RXRA: variants seen among roughly 807,000 people sequenced by gnomAD.
RXRA encodes the protein retinoic acid receptor RXR-alpha.
A neutral mutation model predicts 44.5 loss-of-function variants in RXRA; 5 were observed. That is an observed-to-expected ratio of 0.11 (90% confidence interval 0.06 to 0.24). RXRA has a LOEUF of 0.24. RXRA is among the 10% of genes least tolerant of loss of function. The probability of loss-of-function intolerance (pLI) is 1.00; values close to 1 mark genes in which losing one functional copy is unlikely to be tolerated. For missense variants in RXRA, 412 were observed against 646.5 expected, an observed-to-expected ratio of 0.64 and a Z score of 3.93; for synonymous variants, 291 against 271.4, an observed-to-expected ratio of 1.07 and a Z score of -0.71.
chr9:134,361,080 G>T, intron 1 of RXRA, among the ~76,000 whole-genome samples: 1 of 152,236 alleles, frequency 6.6e-6, no homozygotes, highest in East Asian at 1.9e-4. Context: ...CTTATCTGAT[G>T]GGCAGGAGCT....
intron 1 of RXRA, among the ~76,000 whole-genome samples, chr9:134,326,889 G>T (rs1588242551): frequency 6.7e-6 from 1 of 148,328 alleles, no homozygotes; most frequent in Non-Finnish European, 1.5e-5. Context: ...CGGCGGGGCC[G>T]GGGGGCGGGT....
chr9:134,426,635 C>T lies in RXRA; in HGVS notation c.911-2473C>T, dbSNP rs1831439423. ...CCGTGCACTAGGCCCCTCTGCTGGG[C>T]ACACCAGAGTTTCAGAGGCGAGTCT... On this transcript the variant is annotated intron_variant, in intron 6 of 9. Transcript: ENST00000481739. The surrounding 1 kb of genome is among the most constrained non-coding windows in gnomAD (Gnocchi z 4.6). 1.0e-6 allele frequency: 1 copy of T among 985,324 alleles called. No homozygotes were observed. Among genetic ancestry groups the T allele is most frequent in the Non-Finnish European group, 1.2e-6 (1 of 829,938 alleles). The allele number at this position is 985,324 out of a possible 1,614,324, so 61.0% of individuals were successfully genotyped here.
intron 1 of RXRA, among the ~76,000 whole-genome samples, chr9:134,352,432 C>G (rs1460458175): frequency 3.3e-5 from 5 of 152,114 alleles, no homozygotes; most frequent in Admixed American, 3.3e-4. Context: ...AGGGGCCCTG[C>G]TCTAGGCCCC....
intron 1 of RXRA, chr9:134,380,128 G>A (rs1830620074): frequency 1.0e-6 from 1 of 985,468 alleles, no homozygotes; most frequent in Non-Finnish European, 1.2e-6. Flanking sequence ...TGTGGCCTTG[G>A]CACTGCCACC....
chr9:134,383,896 C>G (rs1272694554), intron 1 of RXRA, among the ~76,000 whole-genome samples: 2 of 152,150 alleles, frequency 1.3e-5, no homozygotes, highest in African/African-American at 4.8e-5. Flanking sequence ...AACAAGGGAT[C>G]CTGGCTAACA....
chr9:134,350,283 C>G (rs566606747), intron 1 of RXRA, among the ~76,000 whole-genome samples: 1 of 152,236 alleles, frequency 6.6e-6, no homozygotes, highest in Non-Finnish European at 1.5e-5. Flanking sequence ...GTGGCCTGAA[C>G]ACAGTGCTGG....
At chr9:134,356,766 GGTGGCACCTGT>G (rs1830288921) in intron 1 of RXRA, among the ~76,000 whole-genome samples, 2 of 152,208 alleles carry the variant, frequency 1.3e-5, no homozygotes, top group African/African-American at 4.8e-5. Flanking sequence ...AAGCTTCTCT[GGTGGCACCTGT>G]GCCTCAAAGT....
At chr9:134,394,963 A>G (rs894614982) in intron 1 of RXRA, among the ~76,000 whole-genome samples, 3 of 152,298 alleles carry the variant, frequency 2.0e-5, no homozygotes, top group Middle Eastern at 3.4e-3. Flanking sequence ...GTGATAATAA[A>G]AGTGGGTTTG....
chr9:134,431,965 C>T lies in RXRA; in HGVS notation c.1104C>T (p.Gly368=). 3 of 1,613,962 alleles carry T rather than the reference C, an allele frequency of 1.9e-6. 1 individual carries two copies. In the South Asian group the frequency reaches 3.3e-5, roughly 18 times the overall value. ...RDMQMDKTEL[G]CLRAIVLFNP... is the part of the protein sequence containing the mutation. ...TGCAGATGGACAAGACGGAGCTGGGCTGCCTGCGCGCCATCGTCCTCTTTA... is the reference window on the plus strand; with the variant it reads ...TGCAGATGGACAAGACGGAGCTGGGTTGCCTGCGCGCCATCGTCCTCTTTA... The change falls in exon 8 of 10, where the codon GGC becomes GGT. Residue 368 remains glycine (G), a synonymous_variant. Coordinates refer to ENST00000481739, the MANE Select transcript of RXRA (RefSeq NM_002957.6).
At chr9:134,421,537 A>C (rs1342123738) in intron 5 of RXRA, 139 bp from the exon 6 acceptor site, 14 of 971,810 alleles carry the variant, frequency 1.4e-5, no homozygotes, top group Non-Finnish European at 2.1e-5. Flanking sequence ...GGTTCTGGGG[A>C]TTGGGGCCTG....
intron 1 of RXRA, among the ~76,000 whole-genome samples, chr9:134,367,489 C>T (rs1046609691): frequency 1.3e-5 from 2 of 152,228 alleles, no homozygotes; most frequent in East Asian, 3.9e-4. Flanking sequence ...GTGCCCTTAC[C>T]GTGGAGATCC....
intron 1 of RXRA, chr9:134,380,042 C>T: frequency 1.4e-5 from 14 of 985,358 alleles, no homozygotes; most frequent in Non-Finnish European, 1.7e-5. Context: ...GTGCCCCCTG[C>T]CTGAGCACAA....
chr9:134,404,700 C>T (rs1831021630), intron 2 of RXRA: 1 of 152,848 alleles, frequency 6.5e-6, no homozygotes, highest in African/African-American at 2.4e-5. Context: ...GCCTACCCGC[C>T]AGGGACTGAG....
chr9:134,346,025 C>T (rs782338276), intron 1 of RXRA, among the ~76,000 whole-genome samples: 51 of 152,198 alleles, frequency 3.4e-4, no homozygotes, highest in Non-Finnish European at 1.6e-4. Context: ...AGTTGAGAGT[C>T]GGGGCAGCAG....
At chr9:134,379,674 C>G (rs956179481) in intron 1 of RXRA, 1 of 985,246 alleles carries the variant, frequency 1.0e-6, no homozygotes, top group African/African-American at 1.7e-5. Context: ...TGGGAGGTAG[C>G]AGGACAGCCC....
At chr9:134,436,137 T>C (rs1316248881) in intron 9 of RXRA, among the ~76,000 whole-genome samples, 1 of 152,254 alleles carries the variant, frequency 6.6e-6, no homozygotes, top group Non-Finnish European at 1.5e-5. Flanking sequence ...TGAGCCATCA[T>C]GCCCAACTGC....
chr9:134,395,421 G>A (rs1295684683), intron 1 of RXRA, among the ~76,000 whole-genome samples: 1 of 152,278 alleles, frequency 6.6e-6, no homozygotes, highest in Non-Finnish European at 1.5e-5. Context: ...GTCACGGAAG[G>A]TTGGGTAGGG....
At chr9:134,335,295 C>T (rs782502565) in intron 1 of RXRA, among the ~76,000 whole-genome samples, 1 of 152,158 alleles carries the variant, frequency 6.6e-6, no homozygotes, top group Non-Finnish European at 1.5e-5. Flanking sequence ...CCTCAGTTGT[C>T]TCACCCATAA....
chr9:134,416,659 C>T (rs1235515900), intron 4 of RXRA, among the ~76,000 whole-genome samples: 2 of 152,178 alleles, frequency 1.3e-5, no homozygotes, highest in Non-Finnish European at 2.9e-5. Context: ...CGCCCCCCGC[C>T]GCAGGTTCCC....
Sources: gnomAD v4.1 joint callset for allele counts (sites outside exome capture counted in the v4.1 genomes callset) on GRCh38, gnomAD v4.1.1 for gene constraint, Gnocchi (gnomAD v3.1) non-coding constraint, MANE v1.5 for transcripts, NCBI Gene and HGNC (gene_info 2026-07-23, HGNC 2026-07-21) for gene names.